Variants in FRMD5 observed in about 807,000 individuals in gnomAD.
FRMD5 encodes the protein FERM domain containing 5.
FRMD5 carries 20 observed loss-of-function variants against 69.0 expected under a neutral mutation model. The observed-to-expected ratio is 0.29, with a 90% CI of 0.20 to 0.42. FRMD5 has a LOEUF of 0.42. Ranked by LOEUF, FRMD5 falls within the 10% of genes least tolerant of loss-of-function variation. The pLI, the probability that FRMD5 is intolerant of heterozygous loss-of-function variation, is 1.00. For synonymous variants in FRMD5, 271 were observed against 260.1 expected (o/e 1.04, Z -0.40); for missense variants, 595 against 708.6 (o/e 0.84, Z 1.82).
chr15:44,165,579 C>T (rs1017721178), intron 1 of FRMD5, among the ~76,000 whole-genome samples: 1 of 151,794 alleles, frequency 6.6e-6, no homozygotes, highest in African/African-American at 2.4e-5. Flanking sequence ...CTCATACCTG[C>T]AGTCCCAGCA....
At chr15:43,924,719 C>G (rs2089552773) in intron 1 of FRMD5, among the ~76,000 whole-genome samples, 1 of 152,166 alleles carries the variant, frequency 6.6e-6, no homozygotes, top group Admixed American at 6.5e-5. Flanking sequence ...GTTACCAACA[C>G]CATAGGTCAA....
At chr15:44,019,088 T>TTTTG (rs1287967090) in intron 1 of FRMD5, among the ~76,000 whole-genome samples, 1 of 151,830 alleles carries the variant, frequency 6.6e-6, no homozygotes, top group African/African-American at 2.4e-5. Context: ...AGAGACGGAG[T>TTTTG]TTTGCCATGT....
intron 13 of FRMD5, among the ~76,000 whole-genome samples, chr15:43,881,011 T>C (rs2088512319): frequency 6.6e-6 from 1 of 152,212 alleles, no homozygotes; most frequent in African/African-American, 2.4e-5. Context: ...CTACTAACCC[T>C]ACTTGGCAGC....
At chr15:44,167,989 C>A (rs2077738438) in intron 1 of FRMD5, among the ~76,000 whole-genome samples, 1 of 152,184 alleles carries the variant, frequency 6.6e-6, no homozygotes, top group Non-Finnish European at 1.5e-5. Flanking sequence ...CTAAGATACA[C>A]TGATACTAAT....
chr15:43,989,271 C>G, intron 1 of FRMD5: 1 of 787,160 alleles, frequency 1.3e-6, no homozygotes, highest in South Asian at 1.3e-5. Flanking sequence ...TGCCAGGGTA[C>G]CTGGTGGTGC....
intron 1 of FRMD5, among the ~76,000 whole-genome samples, chr15:44,148,275 AC>A (rs1182418132): frequency 1.3e-5 from 2 of 151,442 alleles, no homozygotes; most frequent in Non-Finnish European, 2.9e-5. Flanking sequence ...CACAGATATT[AC>A]TTTTTTTTTT....
chr15:44,148,794 A>T lies in FRMD5; in HGVS notation c.102+46159T>A, dbSNP rs2077398839. ...CTTTTATGCACTAGGATACCAAAAA[A>T]ATTGTGACTCACTTTATTCCAATAT... is the stretch of plus-strand genomic sequence containing the variant. On this transcript the variant is annotated intron_variant, in intron 1 of 13. Coordinates refer to ENST00000417257, the MANE Select transcript of FRMD5 (RefSeq NM_032892.5). Among the ~76,000 whole-genome samples the T allele has an allele frequency of 1.3e-5, 2 of 152,234 alleles. 1 individual carries two copies. Among genetic ancestry groups the T allele is most frequent in the South Asian group, 4.1e-4 (2 of 4,834 alleles).
chr15:44,170,282 G>T (rs1002078819), intron 1 of FRMD5, among the ~76,000 whole-genome samples: 7 of 152,124 alleles, frequency 4.6e-5, no homozygotes, highest in African/African-American at 1.7e-4. Flanking sequence ...ACCAGCACTG[G>T]GAGGCCAAGA....
intron 13 of FRMD5, among the ~76,000 whole-genome samples, chr15:43,880,744 T>C (rs2088502753): frequency 6.6e-6 from 1 of 152,242 alleles, no homozygotes; most frequent in South Asian, 2.1e-4. Context: ...TGCTGAGCTG[T>C]AACCTACCAA....
At position 43,873,862 on chromosome 15, in the gene FRMD5, T is replaced by C; in HGVS notation, c.*23A>G. The C allele has an allele frequency of 2.5e-6, 4 of 1,609,076 alleles. No homozygotes were observed. The East Asian group carries it at 8.9e-5, about 36-fold the overall frequency. On this transcript the variant is annotated 3_prime_UTR_variant, in exon 14 of 14. Coordinates refer to ENST00000417257, the MANE Select transcript of FRMD5 (RefSeq NM_032892.5). The stretch of plus-strand genomic sequence containing the variant: ...CGGGTTCCTTGGTCCACCTGGCTAG[T>C]TTTTGGGAGGAGTCATGCCTTCTCA...
chr15:44,020,676 C>T (rs996691372), intron 1 of FRMD5, among the ~76,000 whole-genome samples: 1 of 152,182 alleles, frequency 6.6e-6, no homozygotes. Flanking sequence ...GAATATTTCT[C>T]AATCTTTTGT....
intron 1 of FRMD5, among the ~76,000 whole-genome samples, chr15:44,014,628 TC>T (rs1333618534): frequency 6.6e-6 from 1 of 151,996 alleles, no homozygotes; most frequent in East Asian, 1.9e-4. Flanking sequence ...TCCCAGCTAC[TC>T]AGGAGGCTGA....
At chr15:44,191,330 T>G (rs1294276652) in intron 1 of FRMD5, among the ~76,000 whole-genome samples, 2 of 152,208 alleles carry the variant, frequency 1.3e-5, no homozygotes. Flanking sequence ...GGCTCATGCC[T>G]GTAATCCCAG....
At chr15:43,973,591 C>T (rs1485828181) in intron 1 of FRMD5, among the ~76,000 whole-genome samples, 1 of 151,862 alleles carries the variant, frequency 6.6e-6, no homozygotes, top group African/African-American at 2.4e-5. Context: ...TGGTCTCGAA[C>T]TCCTGACCCC....
chr15:44,032,012 C>A (rs1181876623), intron 1 of FRMD5, among the ~76,000 whole-genome samples: 2 of 151,318 alleles, frequency 1.3e-5, no homozygotes, highest in African/African-American at 4.8e-5. Context: ...GCACATAGAC[C>A]AATGGAACAG....
rs1403781377 is a variant in FRMD5, at chr15:43,921,229, T to C, written c.208-1420A>G. Reference sequence around the variant, plus strand: ...GGAGGCCTATCTGTTCAGAGCACACTGGAATTGTGGACAGTGAGGAGAACA... The same window carrying C: ...GGAGGCCTATCTGTTCAGAGCACACCGGAATTGTGGACAGTGAGGAGAACA... On this transcript the variant is annotated intron_variant, in intron 2 of 13. Coordinates refer to ENST00000417257, the MANE Select transcript of FRMD5 (RefSeq NM_032892.5). 1.9e-4 allele frequency among the ~76,000 whole-genome samples: 29 copies of C among 152,170 alleles called. 1 individual carries two copies. The highest frequency in any genetic ancestry group is 8.8e-5 in the Non-Finnish European group (6 of 68,030).
At chr15:44,149,145 A>C (rs1160395886) in intron 1 of FRMD5, among the ~76,000 whole-genome samples, 4 of 152,184 alleles carry the variant, frequency 2.6e-5, no homozygotes, top group African/African-American at 9.6e-5. Flanking sequence ...GAATGGGGAC[A>C]GAACTGTAAA....
Position 43,871,959 on chromosome 15 carries a change from G to T in FRMD5, c.*1926C>A, listed in dbSNP as rs933044081. ...TCTGCTAACATACTGGTAAGGATCA[G>T]TTTTATTGTCTAGAGCAGGATTGGC... On this transcript the variant is annotated 3_prime_UTR_variant, in exon 14 of 14. Transcript: ENST00000417257. The T allele has an allele frequency of 6.6e-6, 1 of 152,214 alleles. No individual in the cohort carries two copies. The highest frequency in any genetic ancestry group is 6.5e-5 in the Admixed American group (1 of 15,294). 9.4% of individuals were successfully genotyped at this position (152,214 alleles called of 1,614,324 possible).
intron 1 of FRMD5, among the ~76,000 whole-genome samples, chr15:44,065,205 C>A (rs1380320393): frequency 6.6e-6 from 1 of 152,128 alleles, no homozygotes; most frequent in Non-Finnish European, 1.5e-5. Flanking sequence ...ATAGTGTCTA[C>A]CCCTTAGTAA....
Sources: allele counts gnomAD v4.1 joint callset (sites outside exome capture counted in the v4.1 genomes callset), GRCh38; gene constraint gnomAD v4.1.1; transcripts MANE v1.5; gene names NCBI Gene and HGNC (gene_info 2026-07-23, HGNC 2026-07-21).